The following SPOP variants were observed in gnomAD, a reference collection of about 807,000 sequenced individuals.
SPOP encodes the protein speckle-type POZ protein.
A neutral mutation model predicts 45.6 loss-of-function variants in SPOP; 11 were observed. That is an observed-to-expected ratio of 0.24 (90% CI 0.15 to 0.40). The LOEUF (loss-of-function observed/expected upper bound fraction) is 0.40. SPOP is among the 10% of genes least tolerant of loss of function. SPOP has a pLI of 1.00. For missense variants in SPOP, 152 were observed against 465.6 expected (o/e 0.33, Z 6.20); for synonymous variants, 166 against 166.3 (o/e 1.00, Z 0.01).
chr17:49,607,920 G>A lies in SPOP; in HGVS notation c.668C>T (p.Pro223Leu), dbSNP rs767942932. ...ATGTTCAAACATGGCACTAAAAACC[G>A]GAGAACGAGCTACAAAGTCAAAGAG... ...AHKAILAARS[P>L]VFSAMFEHEM... Residue 223 changes from proline to leucine, a missense_variant, in exon 7 of 10, where the codon CCG becomes CTG. Transcript: ENST00000504102. 1.1e-5 allele frequency: 17 copies of A among 1,611,304 alleles called. No individual in the cohort carries two copies. The highest frequency in any genetic ancestry group is 4.0e-5 in the African/African-American group (3 of 74,722).
intron 1 of SPOP, among the ~76,000 whole-genome samples, chr17:49,632,359 G>C (rs1318353017): frequency 2.0e-5 from 3 of 152,128 alleles, no homozygotes; most frequent in Non-Finnish European, 4.4e-5. Flanking sequence ...AGCTATGGGG[G>C]GAGTTCCTGA....
rs558934746 is a variant in SPOP at position 49,653,499 on chromosome 17, C to T, written c.-67+24434G>A. Among the ~76,000 whole-genome samples, 10 of 152,042 alleles carry T rather than the reference C, an allele frequency of 6.6e-5. No individual in the cohort carries two copies. The South Asian group carries it at 1.9e-3, about 28-fold the overall frequency. On this transcript the variant is annotated intron_variant, in intron 1 of 9. Transcript: ENST00000504102. The stretch of plus-strand genomic sequence containing the variant: ...GCAGAGAATTCCACTGTTACCCTGC[C>T]GAATGGTTTCCATGTTTTTGCTACT...
intron 1 of SPOP, among the ~76,000 whole-genome samples, chr17:49,624,364 C>T (rs1310942232): frequency 1.3e-5 from 2 of 150,056 alleles, no homozygotes; most frequent in East Asian, 2.0e-4. Flanking sequence ...CACACACACA[C>T]GGTAACTGTC....
intron 1 of SPOP, among the ~76,000 whole-genome samples, chr17:49,665,838 G>A (rs552526030): frequency 2.7e-4 from 41 of 150,734 alleles, no homozygotes; most frequent in Non-Finnish European, 4.9e-4. Context: ...ACAAAAATTA[G>A]CCTGGTGTGG....
intron 1 of SPOP, among the ~76,000 whole-genome samples, chr17:49,640,733 T>C (rs2072631209): frequency 6.6e-6 from 1 of 152,212 alleles, no homozygotes; most frequent in African/African-American, 2.4e-5. Context: ...AATCTGGACT[T>C]GATTACCTCT....
chr17:49,664,316 G>C (rs1360515252), intron 1 of SPOP, among the ~76,000 whole-genome samples: 1 of 152,144 alleles, frequency 6.6e-6, no homozygotes, highest in Non-Finnish European at 1.5e-5. Context: ...ACATCAGACT[G>C]AATAGAAGCA....
chr17:49,635,626 ATC>A (rs1403311389), intron 1 of SPOP, among the ~76,000 whole-genome samples: 2 of 145,314 alleles, frequency 1.4e-5, no homozygotes, highest in Non-Finnish European at 1.5e-5. Flanking sequence ...TCTTTAAGGT[ATC>A]TCTCTTTTTT....
At chr17:49,666,480 CA>C (rs1567804282) in intron 1 of SPOP, among the ~76,000 whole-genome samples, 4 of 151,486 alleles carry the variant, frequency 2.6e-5, no homozygotes, top group South Asian at 2.1e-4. Flanking sequence ...CACACACACA[CA>C]CACACACACA....
intron 5 of SPOP, among the ~76,000 whole-genome samples, chr17:49,617,577 T>G (rs1461356434): frequency 6.6e-6 from 1 of 152,156 alleles, no homozygotes; most frequent in Non-Finnish European, 1.5e-5. Context: ...TAGTGTGGTA[T>G]TATAAGAAAC....
intron 1 of SPOP, among the ~76,000 whole-genome samples, chr17:49,641,028 C>A (rs927569991): frequency 6.6e-6 from 1 of 151,830 alleles, no homozygotes; most frequent in South Asian, 2.1e-4. Context: ...TTTGATATGC[C>A]GAGGCGGGTG....
intron 1 of SPOP, among the ~76,000 whole-genome samples, chr17:49,661,579 T>A (rs1260478251): frequency 1.3e-5 from 2 of 152,194 alleles, no homozygotes; most frequent in African/African-American, 4.8e-5. Flanking sequence ...GCACCAAACA[T>A]ATAATACTGC....
At chr17:49,601,737 A>G (rs566121104) in intron 9 of SPOP, 128 bp downstream of exon 9, 2 of 1,215,792 alleles carry the variant, frequency 1.6e-6, no homozygotes, top group Admixed American at 2.3e-5. Flanking sequence ...GAAAAGATGA[A>G]AACTCTATTC....
intron 1 of SPOP, among the ~76,000 whole-genome samples, chr17:49,665,695 C>CACACACACACACACACACACA (rs55985992): frequency 7.0e-5 from 10 of 143,108 alleles, no homozygotes; most frequent in South Asian, 2.2e-4. Flanking sequence ...CACACACACA[C>CACACACACACACACACACACA]CAATCTGGCC....
chr17:49,662,321 A>G (rs548799256), intron 1 of SPOP, among the ~76,000 whole-genome samples: 14 of 152,322 alleles, frequency 9.2e-5, no homozygotes, highest in African/African-American at 3.1e-4. Flanking sequence ...GTTTCCCCTA[A>G]GATTATTATA....
At chr17:49,602,572 C>T (rs750893307) in intron 8 of SPOP, among the ~76,000 whole-genome samples, 1 of 152,180 alleles carries the variant, frequency 6.6e-6, no homozygotes, top group Admixed American at 6.5e-5. Flanking sequence ...TCCCAACTGG[C>T]CCATCAGGTT....
chr17:49,666,491 A>ACC (rs938291496), intron 1 of SPOP, among the ~76,000 whole-genome samples: 5 of 141,170 alleles, frequency 3.5e-5, no homozygotes, highest in East Asian at 2.0e-4. Flanking sequence ...ACACACACAC[A>ACC]CACCCATATA....
In SPOP at chr17:49,642,335, G is replaced by A. The variant is rs545630555; in HGVS notation, c.-66-19459C>T. On this transcript the variant is annotated intron_variant, in intron 1 of 9. Transcript: ENST00000504102. Reference sequence around the variant, plus strand: ...GGCCAAGGCAGGCAGATCACTTGAGGTCAGGAGTTTGAGACCAGCCTGGCC... The same window carrying A: ...GGCCAAGGCAGGCAGATCACTTGAGATCAGGAGTTTGAGACCAGCCTGGCC... 2.3e-4 allele frequency among the ~76,000 whole-genome samples: 35 copies of A among 152,168 alleles called. No homozygotes were observed. In the East Asian group the frequency reaches 5.8e-3, roughly 25 times the overall value.
intron 1 of SPOP, among the ~76,000 whole-genome samples, chr17:49,630,205 A>C (rs1254570954): frequency 6.6e-6 from 1 of 152,234 alleles, no homozygotes; most frequent in Non-Finnish European, 1.5e-5. Flanking sequence ...AACAAACAAA[A>C]AAACTGTAAG....
At chr17:49,613,051 A>AT (rs1393731603) in intron 5 of SPOP, 1 of 152,240 alleles carries the variant, frequency 6.6e-6, no homozygotes, top group Non-Finnish European at 1.5e-5. Flanking sequence ...AATTATGAAT[A>AT]TACTTGGCAT....
Sources: allele counts gnomAD v4.1 joint callset (sites outside exome capture counted in the v4.1 genomes callset), GRCh38; gene constraint gnomAD v4.1.1; transcripts MANE v1.5; gene names NCBI Gene and HGNC (gene_info 2026-07-23, HGNC 2026-07-21).